The following PTPRD variants were observed in gnomAD, a reference collection of about 807,000 sequenced individuals.
PTPRD encodes the protein protein tyrosine phosphatase receptor type D, also known as receptor-type tyrosine-protein phosphatase delta.
PTPRD carries 34 observed loss-of-function variants against 214.5 expected under a neutral mutation model. The ratio of observed to expected loss-of-function variants is 0.16; its 90% confidence interval spans 0.12 to 0.21. The LOEUF is 0.21. Among genes scored for constraint, PTPRD ranks in the 10% least tolerant of loss-of-function variants. The probability of loss-of-function intolerance (pLI) is 1.00; values close to 1 mark genes in which losing one functional copy is unlikely to be tolerated. For synonymous variants in PTPRD, 1,128 were observed against 845.7 expected, an observed-to-expected ratio of 1.33 and a Z score of -5.79; for missense variants, 2,545 against 2,398.7, an observed-to-expected ratio of 1.06 and a Z score of -1.27.
chr9:8,421,619 T>G (rs1343559547), intron 35 of PTPRD, among the ~76,000 whole-genome samples: 1 of 152,148 alleles, frequency 6.6e-6, no homozygotes, highest in East Asian at 1.9e-4. Flanking sequence ...ACCCTAATCT[T>G]GGCCTTGTAC....
At chr9:9,542,476 TAA>T (rs2077823155) in intron 8 of PTPRD, among the ~76,000 whole-genome samples, 1 of 151,620 alleles carries the variant, frequency 6.6e-6, no homozygotes, top group Admixed American at 6.6e-5. Flanking sequence ...TCATCAAAAT[TAA>T]CAATGCCAAA....
chr9:8,906,835 C>T (rs2098711237), intron 11 of PTPRD, among the ~76,000 whole-genome samples: 1 of 151,966 alleles, frequency 6.6e-6, no homozygotes, highest in Non-Finnish European at 1.5e-5. Context: ...AATGAGAGCA[C>T]CATGGAAGGT....
intron 8 of PTPRD, among the ~76,000 whole-genome samples, chr9:9,481,748 T>G (rs2095423901): frequency 6.6e-6 from 1 of 152,052 alleles, no homozygotes; most frequent in African/African-American, 2.4e-5. Context: ...CTTGCCCCAT[T>G]TGACACCTAG....
At chr9:8,353,625 G>C (rs1022624037) in intron 39 of PTPRD, among the ~76,000 whole-genome samples, 2 of 151,656 alleles carry the variant, frequency 1.3e-5, no homozygotes, top group Non-Finnish European at 2.9e-5. Context: ...GTAGAGATGG[G>C]GTTTCACTAT....
At chr9:8,522,190 G>A (rs1301275466) in intron 19 of PTPRD, among the ~76,000 whole-genome samples, 1 of 152,194 alleles carries the variant, frequency 6.6e-6, no homozygotes, top group African/African-American at 2.4e-5. Context: ...GCTAACACCA[G>A]TAGAGATACT....
At chr9:9,788,483 C>A (rs1210712508) in intron 5 of PTPRD, among the ~76,000 whole-genome samples, 1 of 143,130 alleles carries the variant, frequency 7.0e-6, no homozygotes, top group Non-Finnish European at 1.5e-5. Flanking sequence ...ACCCGGGAGG[C>A]AGAGCTTGCA....
chr9:10,204,478 T>C (rs1053574059), intron 3 of PTPRD, among the ~76,000 whole-genome samples: 2 of 152,180 alleles, frequency 1.3e-5, no homozygotes, highest in Non-Finnish European at 2.9e-5. Flanking sequence ...GTGAATGGAA[T>C]TTCCGTCATC....
intron 11 of PTPRD, among the ~76,000 whole-genome samples, chr9:8,745,324 A>G (rs2092670242): frequency 6.6e-6 from 1 of 152,214 alleles, no homozygotes; most frequent in African/African-American, 2.4e-5. Context: ...TGCAACAGAA[A>G]TAGATAGCTG....
chr9:9,452,001 C>T lies in PTPRD; in HGVS notation c.-236-54519G>A, dbSNP rs78940957. On this transcript the variant is annotated intron_variant, in intron 8 of 45. Coordinates refer to ENST00000381196, the MANE Select transcript of PTPRD (RefSeq NM_002839.4). ...AAAAAGAATAGAATTATCATACGTA[C>T]AGTATAAAAAATATTTCTAGAATTG... Among the ~76,000 whole-genome samples, 949 of 151,478 alleles carry T rather than the reference C, an allele frequency of 6.3e-3. 36 individuals are homozygous for T. The East Asian group carries it at 0.11, about 18-fold the overall frequency.
chr9:9,860,107 A>AT (rs1600046637), intron 5 of PTPRD, among the ~76,000 whole-genome samples: 1 of 152,338 alleles, frequency 6.6e-6, no homozygotes, highest in East Asian at 1.9e-4. Flanking sequence ...GCCATGAACA[A>AT]TATCTACTAT....
rs1354185617 is a variant in PTPRD at position 9,947,343 on chromosome 9, T to TAAA, written c.-471-8734_-471-8733insTTT. Among the ~76,000 whole-genome samples, 381 of 56,718 alleles carry TAAA rather than the reference T, an allele frequency of 6.7e-3. 50 individuals carry two copies. The highest frequency in any genetic ancestry group is 0.048 in the East Asian group (23 of 478). The allele number at this position is 56,718 out of a possible 152,430, so 37.2% of individuals were successfully genotyped here. ...ATATATATTATATATGTATTATATA[T>TAAA]ATAATATATATTATATATATTATAT... On this transcript the variant is annotated intron_variant, in intron 4 of 45. Coordinates refer to ENST00000381196, the MANE Select transcript of PTPRD (RefSeq NM_002839.4).
At chr9:8,523,752 G>A (rs917380679) in intron 18 of PTPRD, among the ~76,000 whole-genome samples, 1 of 152,100 alleles carries the variant, frequency 6.6e-6, no homozygotes, top group Non-Finnish European at 1.5e-5. Flanking sequence ...AATTTTCCAT[G>A]GAAGAAGGTA....
At chr9:9,130,541 G>C (rs2099841058) in intron 10 of PTPRD, among the ~76,000 whole-genome samples, 1 of 152,032 alleles carries the variant, frequency 6.6e-6, no homozygotes, top group Non-Finnish European at 1.5e-5. Context: ...TCAATATCTA[G>C]GAATGAAAGT....
chr9:10,183,533 GAGAC>G (rs1364630071), intron 3 of PTPRD, among the ~76,000 whole-genome samples: 8 of 152,172 alleles, frequency 5.3e-5, no homozygotes, highest in Non-Finnish European at 8.8e-5. Context: ...TTATTTAAAA[GAGAC>G]AGAGAGAATA....
At chr9:9,688,818 G>C (rs1374247040) in intron 7 of PTPRD, among the ~76,000 whole-genome samples, 1 of 151,518 alleles carries the variant, frequency 6.6e-6, no homozygotes, top group African/African-American at 2.4e-5. Flanking sequence ...AAGTTCCAGA[G>C]ATATTTTACC....
intron 9 of PTPRD, among the ~76,000 whole-genome samples, chr9:9,301,336 CAAT>C (rs982409173): frequency 3.3e-5 from 5 of 151,788 alleles, no homozygotes; most frequent in African/African-American, 1.2e-4. Context: ...CCATCTCAAA[CAAT>C]AATAAGGTAG....
At chr9:8,322,124 C>T (rs1220202445) in intron 44 of PTPRD, among the ~76,000 whole-genome samples, 1 of 152,098 alleles carries the variant, frequency 6.6e-6, no homozygotes, top group East Asian at 1.9e-4. Flanking sequence ...GTTATGACTG[C>T]TTCACCAACC....
chr9:9,290,329 G>A (rs1950751948), intron 9 of PTPRD, among the ~76,000 whole-genome samples: 1 of 151,530 alleles, frequency 6.6e-6, no homozygotes, highest in Admixed American at 6.6e-5. Flanking sequence ...CTATTTAGTT[G>A]TGTGAGTTTC....
At chr9:10,140,706 C>T (rs186975407) in intron 3 of PTPRD, among the ~76,000 whole-genome samples, 1 of 152,030 alleles carries the variant, frequency 6.6e-6, no homozygotes, top group South Asian at 2.1e-4. Context: ...TGAAACTATT[C>T]CAATCAATAG....
Sources: gnomAD v4.1 joint callset for allele counts (sites outside exome capture counted in the v4.1 genomes callset) on GRCh38, gnomAD v4.1.1 for gene constraint, MANE v1.5 for transcripts, NCBI Gene and HGNC (gene_info 2026-07-23, HGNC 2026-07-21) for gene names.